The following EYA3 variants were observed in gnomAD, a reference collection of about 807,000 sequenced individuals.
EYA3 encodes the protein protein phosphatase EYA3.
A neutral mutation model predicts 80.0 loss-of-function variants in EYA3; 39 were observed. That is an observed-to-expected ratio of 0.49 (90% CI 0.38 to 0.64). The LOEUF is 0.64. Ranked by LOEUF, EYA3 falls within the 30% of genes least tolerant of loss-of-function variation. EYA3 has a pLI of 0.00. For missense variants in EYA3, 523 were observed against 676.1 expected (o/e 0.77, Z 2.51); for synonymous variants, 206 against 232.8 (o/e 0.88, Z 1.05).
chr1:27,974,337 GAGAA>G lies in EYA3; in HGVS notation c.*125_*128del, dbSNP rs1638836709. 8.7e-6 allele frequency: 5 copies of G among 573,418 alleles called. No homozygotes were observed. Among genetic ancestry groups the G allele is most frequent in the African/African-American group, 7.5e-5 (4 of 53,428 alleles). 35.5% of individuals were successfully genotyped at this position (573,418 alleles called of 1,614,324 possible). ...AGGGAGAGAGGGAGAGAGAGAAAGA[GAGAA>G]AGAGAGAGAGATAGAGACAGAGACA... On this transcript the variant is annotated 3_prime_UTR_variant, in exon 18 of 18. Transcript: ENST00000373871.
At chr1:28,003,338 G>A (rs375038120) in intron 11 of EYA3, among the ~76,000 whole-genome samples, 1 of 151,608 alleles carries the variant, frequency 6.6e-6, no homozygotes, top group African/African-American at 2.4e-5. Context: ...GCATGGTAAC[G>A]GGCACCTGTA....
intron 1 of EYA3, among the ~76,000 whole-genome samples, chr1:28,063,305 ATT>A (rs199595508): frequency 2.4e-3 from 186 of 75,948 alleles, no homozygotes; most frequent in African/African-American, 3.7e-3. Flanking sequence ...ATATATATAT[ATT>A]TTTTTTTATT....
chr1:27,991,792 T>C (rs960002361), intron 14 of EYA3, among the ~76,000 whole-genome samples: 29 of 152,174 alleles, frequency 1.9e-4, no homozygotes, highest in Non-Finnish European at 3.5e-4. Flanking sequence ...TTTAATCTAT[T>C]CTCCAAAGTA....
chr1:27,977,305 G>C, intron 17 of EYA3: 1 of 1,550,444 alleles, frequency 6.4e-7, no homozygotes, highest in Non-Finnish European at 8.7e-7. Context: ...TAGTTGCTAA[G>C]GTTTCCACTT....
At chr1:28,033,665 TATTA>T (rs1643281236) in intron 6 of EYA3, among the ~76,000 whole-genome samples, 1 of 148,060 alleles carries the variant, frequency 6.8e-6, no homozygotes, top group African/African-American at 2.5e-5. Flanking sequence ...TTATTATTAT[TATTA>T]TTTTTGAGAC....
At chr1:28,078,437 T>G (rs1330075817) in intron 1 of EYA3, among the ~76,000 whole-genome samples, 1 of 152,208 alleles carries the variant, frequency 6.6e-6, no homozygotes, top group African/African-American at 2.4e-5. Flanking sequence ...ACAAACACTC[T>G]CAGGAGCTCC....
intron 7 of EYA3, 34 bp from the exon 8 acceptor site, chr1:28,017,273 ATAT>A: frequency 1.3e-6 from 2 of 1,493,796 alleles, no homozygotes; most frequent in Admixed American, 1.7e-5. Flanking sequence ...GATATTAAAG[ATAT>A]TATGTAAAAG....
chr1:27,999,579 G>A (rs1640686526), intron 12 of EYA3, among the ~76,000 whole-genome samples: 1 of 152,122 alleles, frequency 6.6e-6, no homozygotes, highest in Non-Finnish European at 1.5e-5. Context: ...TGGAAGAAAA[G>A]TCAAAACATA....
intron 16 of EYA3, among the ~76,000 whole-genome samples, chr1:27,979,884 T>C (rs1369893907): frequency 6.6e-6 from 1 of 152,234 alleles, no homozygotes; most frequent in East Asian, 1.9e-4. Context: ...CCAGAACTTA[T>C]ACTTCCATAC....
intron 14 of EYA3, among the ~76,000 whole-genome samples, chr1:27,991,990 A>G (rs1318135496): frequency 1.3e-5 from 2 of 152,244 alleles, no homozygotes; most frequent in East Asian, 3.8e-4. Context: ...GCTTTGAATC[A>G]TGAGAAGAAA....
At chr1:28,058,721 T>C (rs1045299745) in intron 1 of EYA3, among the ~76,000 whole-genome samples, 1 of 152,192 alleles carries the variant, frequency 6.6e-6, no homozygotes, top group East Asian at 1.9e-4. Context: ...TCTGAAATAA[T>C]GAACTTCTAC....
intron 11 of EYA3, among the ~76,000 whole-genome samples, chr1:28,000,377 A>G (rs1247691108): frequency 2.6e-5 from 4 of 151,802 alleles, no homozygotes; most frequent in Non-Finnish European, 5.9e-5. Flanking sequence ...CAGTGGTGCA[A>G]TCTTGGCTCA....
intron 1 of EYA3, among the ~76,000 whole-genome samples, chr1:28,066,806 A>G (rs1488247139): frequency 1.3e-5 from 2 of 152,216 alleles, no homozygotes; most frequent in African/African-American, 4.8e-5. Context: ...AATATAAACC[A>G]AACCAATTCA....
intron 7 of EYA3, among the ~76,000 whole-genome samples, chr1:28,019,501 GT>G (rs1642285287): frequency 6.6e-6 from 1 of 152,122 alleles, no homozygotes; most frequent in Admixed American, 6.5e-5. Context: ...TCCAGATTTT[GT>G]TATCAGTACA....
intron 6 of EYA3, among the ~76,000 whole-genome samples, chr1:28,030,263 C>T (rs1426200591): frequency 6.6e-6 from 1 of 152,146 alleles, no homozygotes; most frequent in Non-Finnish European, 1.5e-5. Flanking sequence ...ATATGAAAGT[C>T]TTAAAAAGAC....
At chr1:28,006,805 G>T (rs1641309237) in intron 10 of EYA3, among the ~76,000 whole-genome samples, 1 of 152,080 alleles carries the variant, frequency 6.6e-6, no homozygotes, top group Non-Finnish European at 1.5e-5. Context: ...AGACAAGGAT[G>T]TCTGTTTTTG....
intron 7 of EYA3, among the ~76,000 whole-genome samples, chr1:28,026,573 G>A (rs778895287): frequency 3.9e-5 from 6 of 152,014 alleles, no homozygotes; most frequent in Admixed American, 6.6e-5. Flanking sequence ...AGCCATGATC[G>A]CGCCACTGCA....
chr1:28,025,664 G>A (rs1410689308), intron 7 of EYA3, among the ~76,000 whole-genome samples: 1 of 152,194 alleles, frequency 6.6e-6, no homozygotes. Context: ...AACCGGGTTA[G>A]CCAATCCAAA....
In EYA3 at chr1:27,974,133, A is replaced by G. The variant is rs1412898778; in HGVS notation, c.*333T>C. 5.9e-6 allele frequency: 1 copy of G among 170,688 alleles called. No homozygotes were observed. The allele number at this position is 170,688 out of a possible 1,614,324, so 10.6% of individuals were successfully genotyped here. A position where few individuals can be genotyped will look rare whatever the true frequency, so the allele number is the denominator to read the frequency against. On this transcript the variant is annotated 3_prime_UTR_variant, in exon 18 of 18. Transcript: ENST00000373871. ...AAAGCACTGTAGCTGCAGTGAGTCC[A>G]TTGTTCTCTCTATCCAACTGTCCCT...
Sources: gnomAD v4.1 joint callset for allele counts (sites outside exome capture counted in the v4.1 genomes callset) on GRCh38, gnomAD v4.1.1 for gene constraint, MANE v1.5 for transcripts, NCBI Gene and HGNC (gene_info 2026-07-23, HGNC 2026-07-21) for gene names.